TAFA1: variants seen among roughly 807,000 people sequenced by gnomAD.
TAFA1 encodes TAFA chemokine like family member 1, also known as chemokine-like protein TAFA-1.
Under a neutral mutation model 18.5 loss-of-function variants are expected in TAFA1, and 4 were observed. That is an observed-to-expected ratio of 0.22 (90% confidence interval 0.11 to 0.49). TAFA1 has a LOEUF of 0.49. Ranked by LOEUF, TAFA1 falls within the 20% of genes least tolerant of loss-of-function variation. The pLI is 0.98. For missense variants in TAFA1, 147 were observed against 169.0 expected, an observed-to-expected ratio of 0.87 and a Z score of 0.72; for synonymous variants, 56 against 55.2, an observed-to-expected ratio of 1.01 and a Z score of -0.06.
intron 2 of TAFA1, among the ~76,000 whole-genome samples, chr3:68,207,919 A>G (rs1234567060): frequency 6.6e-6 from 1 of 151,948 alleles, no homozygotes; most frequent in Non-Finnish European, 1.5e-5. Flanking sequence ...ATTAATCACC[A>G]GTCTCATTCT....
intron 2 of TAFA1, among the ~76,000 whole-genome samples, chr3:68,331,505 G>C (rs2106730574): frequency 6.6e-6 from 1 of 152,268 alleles, no homozygotes; most frequent in East Asian, 1.9e-4. Flanking sequence ...TAAGATAATA[G>C]ACTTTTTAAA....
intron 2 of TAFA1, among the ~76,000 whole-genome samples, chr3:68,316,175 C>A (rs1207340725): frequency 1.3e-5 from 2 of 152,152 alleles, no homozygotes; most frequent in Admixed American, 6.5e-5. Flanking sequence ...TACGAATGCA[C>A]ATAATGAAAT....
chr3:68,270,884 A>G (rs13327113), intron 2 of TAFA1, among the ~76,000 whole-genome samples: 24,044 of 152,132 alleles, frequency 0.16, 3,099 homozygotes, highest in African/African-American at 0.32. Context: ...TTTTTTAAGA[A>G]AGCTGACAGA....
intron 4 of TAFA1, among the ~76,000 whole-genome samples, chr3:68,540,832 C>G (rs1042282890): frequency 6.6e-6 from 1 of 152,112 alleles, no homozygotes; most frequent in African/African-American, 2.4e-5. Flanking sequence ...TTTTTTGAGA[C>G]CAATGTAACT....
chr3:68,386,541 T>C (rs2070108469), intron 2 of TAFA1, among the ~76,000 whole-genome samples: 1 of 151,506 alleles, frequency 6.6e-6, no homozygotes, highest in Non-Finnish European at 1.5e-5. Context: ...TGATCTAGCC[T>C]GACAATCCTG....
intron 2 of TAFA1, among the ~76,000 whole-genome samples, chr3:68,017,074 C>T (rs557320963): frequency 5.9e-5 from 9 of 152,082 alleles, no homozygotes; most frequent in African/African-American, 9.6e-5. Context: ...ATAAAAATTG[C>T]GACTTTAAAA....
chr3:68,524,546 T>G (rs919449538), intron 3 of TAFA1, among the ~76,000 whole-genome samples: 5 of 152,196 alleles, frequency 3.3e-5, no homozygotes, highest in African/African-American at 1.2e-4. Flanking sequence ...ATTGGCATTA[T>G]TAAACCACTA....
intron 2 of TAFA1, among the ~76,000 whole-genome samples, chr3:68,019,976 A>G (rs1366998246): frequency 6.6e-6 from 1 of 152,220 alleles, no homozygotes; most frequent in Non-Finnish European, 1.5e-5. Flanking sequence ...GTCATTGAGT[A>G]ATTAAATGAG....
At chr3:68,108,706 G>C (rs965541570) in intron 2 of TAFA1, among the ~76,000 whole-genome samples, 3 of 151,606 alleles carry the variant, frequency 2.0e-5, no homozygotes, top group African/African-American at 7.3e-5. Context: ...ATTAGATGAA[G>C]GTATAAAAAT....
chr3:68,302,882 G>A (rs2068331071), intron 2 of TAFA1, among the ~76,000 whole-genome samples: 1 of 152,152 alleles, frequency 6.6e-6, no homozygotes, highest in Non-Finnish European at 1.5e-5. Context: ...GGGTTCTAGA[G>A]CCAAAACACC....
intron 3 of TAFA1, among the ~76,000 whole-genome samples, chr3:68,426,467 G>A (rs2071056661): frequency 6.6e-6 from 1 of 151,798 alleles, no homozygotes; most frequent in African/African-American, 2.4e-5. Context: ...AGGGAAATAA[G>A]TAGTTCACTG....
chr3:68,121,089 G>C lies in TAFA1; in HGVS notation c.118+114345G>C, dbSNP rs117741350. Among the ~76,000 whole-genome samples the C allele has an allele frequency of 5.2e-3, 798 of 152,052 alleles. 33 individuals are homozygous for C. In the East Asian group the frequency reaches 0.1, roughly 20 times the overall value. ...GTCCATTACTGAGTCATCAGTATTG[G>C]GATGAAAAGCCAAAATATAGATTTC... On this transcript the variant is annotated intron_variant, in intron 2 of 4. Transcript: ENST00000478136.
chr3:68,379,770 TTTA>T (rs1397982672), intron 2 of TAFA1, among the ~76,000 whole-genome samples: 15 of 151,810 alleles, frequency 9.9e-5, no homozygotes, highest in Non-Finnish European at 1.5e-4. Flanking sequence ...TTTTTTAAAT[TTTA>T]TTATTATTAT....
chr3:68,451,175 A>C (rs921420769), intron 3 of TAFA1, among the ~76,000 whole-genome samples: 3 of 152,182 alleles, frequency 2.0e-5, no homozygotes, highest in Non-Finnish European at 4.4e-5. Flanking sequence ...CATTTTCCAG[A>C]TTTAGATAAA....
intron 2 of TAFA1, among the ~76,000 whole-genome samples, chr3:68,255,734 G>A (rs1015810010): frequency 1.3e-5 from 2 of 151,958 alleles, no homozygotes; most frequent in Admixed American, 6.6e-5. Flanking sequence ...GGGACCCTAG[G>A]CTTCTTAGGA....
chr3:68,016,494 C>G (rs1377747111), intron 2 of TAFA1, among the ~76,000 whole-genome samples: 1 of 152,126 alleles, frequency 6.6e-6, no homozygotes, highest in Non-Finnish European at 1.5e-5. Context: ...TACACAAATA[C>G]TTATCGTTGT....
chr3:67,996,747 C>G, the TAFA1 span, among the ~76,000 whole-genome samples: 3,904 of 151,448 alleles, frequency 0.026, 78 homozygotes, highest in East Asian at 0.11. Context: ...TGCAGTGAGC[C>G]GAGGTCACTG....
intron 2 of TAFA1, among the ~76,000 whole-genome samples, chr3:68,401,266 T>C (rs1184350061): frequency 6.6e-6 from 1 of 152,166 alleles, no homozygotes; most frequent in East Asian, 1.9e-4. Flanking sequence ...GCTAGGGTGG[T>C]GTCTCAGTCA....
chr3:68,056,276 C>T (rs1268219614), intron 2 of TAFA1, among the ~76,000 whole-genome samples: 1 of 152,148 alleles, frequency 6.6e-6, no homozygotes, highest in Non-Finnish European at 1.5e-5. Flanking sequence ...TTTCCTAGGA[C>T]CACTTTGAGT....
Sources: gnomAD v4.1 joint callset for allele counts (sites outside exome capture counted in the v4.1 genomes callset) on GRCh38, gnomAD v4.1.1 for gene constraint, MANE v1.5 for transcripts, NCBI Gene and HGNC (gene_info 2026-07-23, HGNC 2026-07-21) for gene names.